The following SIPA1L1 variants were observed in gnomAD, a reference collection of about 807,000 sequenced individuals.
SIPA1L1 encodes the protein signal induced proliferation associated 1 like 1.
SIPA1L1 carries 26 observed loss-of-function variants against 162.7 expected under a neutral mutation model. That is an observed-to-expected ratio of 0.16 (90% CI 0.12 to 0.22). The LOEUF is 0.22. Ranked by LOEUF, SIPA1L1 falls within the 10% of genes least tolerant of loss-of-function variation. The pLI, the probability that SIPA1L1 is intolerant of heterozygous loss-of-function variation, is 1.00. For synonymous variants in SIPA1L1, 829 were observed against 837.4 expected (o/e 0.99, Z 0.17); for missense variants, 1,874 against 2,241.0 (o/e 0.84, Z 3.31).
intron 12 of SIPA1L1, among the ~76,000 whole-genome samples, chr14:71,680,300 A>G (rs556034499): frequency 1.3e-5 from 2 of 152,350 alleles, no homozygotes; most frequent in South Asian, 4.1e-4. Context: ...CTACATGGAA[A>G]CTGAACATCC....
chr14:71,633,150 ATGTTATGTTC>A lies in SIPA1L1; in HGVS notation c.1818+8919_1818+8928del, dbSNP rs1412998162. Among the ~76,000 whole-genome samples, 659 of 145,218 alleles carry A rather than the reference ATGTTATGTTC, an allele frequency of 4.5e-3. 6 individuals carry two copies. Among genetic ancestry groups the A allele is most frequent in the African/African-American group, 0.015 (562 of 36,916 alleles). Reference sequence around the variant, plus strand: ...ATGTTATGTTATGTTATGTTATGTTATGTTATGTTCTGTTCTGTTCTGTTCTTTGGAGATG... The same window carrying A: ...ATGTTATGTTATGTTATGTTATGTTATGTTCTGTTCTGTTCTTTGGAGATG... On this transcript the variant is annotated intron_variant, in intron 7 of 23. Transcript: ENST00000381232.
At chr14:71,526,500 G>C (rs1446211481) in intron 3 of SIPA1L1, among the ~76,000 whole-genome samples, 2 of 152,188 alleles carry the variant, frequency 1.3e-5, no homozygotes, top group Admixed American at 6.5e-5. Context: ...AGATTTATCA[G>C]TGTTCTTGTA....
chr14:71,366,238 G>C (rs934908540), intron 2 of SIPA1L1, among the ~76,000 whole-genome samples: 3 of 152,104 alleles, frequency 2.0e-5, no homozygotes, highest in African/African-American at 7.2e-5. Flanking sequence ...TGGTGGTGTA[G>C]TCAAGACTAG....
intron 8 of SIPA1L1, 114 bp from the exon 9 acceptor site, chr14:71,658,218 TC>T (rs2043225235): frequency 3.1e-6 from 2 of 639,462 alleles, no homozygotes; most frequent in Non-Finnish European, 5.4e-6. Flanking sequence ...TTGTCTAGAA[TC>T]TTTTCATCCT....
chr14:71,674,549 G>GTTTTTTTTTTTTTTTTTTTTT (rs776605036), intron 12 of SIPA1L1, among the ~76,000 whole-genome samples: 1 of 137,396 alleles, frequency 7.3e-6, no homozygotes, highest in African/African-American at 2.8e-5. Flanking sequence ...TAGCATTCCT[G>GTTTTTTTTTTTTTTTTTTTTT]TTTTTTTTTT....
intron 2 of SIPA1L1, among the ~76,000 whole-genome samples, chr14:71,449,131 C>G (rs1681156803): frequency 6.6e-6 from 1 of 152,198 alleles, no homozygotes; most frequent in Admixed American, 6.5e-5. Context: ...GATGGCAGGA[C>G]TGGGTGACCT....
At chr14:71,522,158 C>G (rs1453657301) in intron 3 of SIPA1L1, among the ~76,000 whole-genome samples, 1 of 152,186 alleles carries the variant, frequency 6.6e-6, no homozygotes, top group East Asian at 1.9e-4. Context: ...ATAGTTCTCT[C>G]TGTCTTGTGG....
At chr14:71,460,513 A>G (rs2046516271) in intron 2 of SIPA1L1, among the ~76,000 whole-genome samples, 1 of 152,154 alleles carries the variant, frequency 6.6e-6, no homozygotes, top group South Asian at 2.1e-4. Flanking sequence ...ACCCCTGCCA[A>G]CACTGTAACT....
intron 4 of SIPA1L1, among the ~76,000 whole-genome samples, chr14:71,539,909 A>G (rs2054231209): frequency 6.6e-6 from 1 of 152,202 alleles, no homozygotes. Context: ...ATTGTCAGCA[A>G]CACCCTAAGG....
At chr14:71,484,233 TC>T (rs2048572382) in intron 2 of SIPA1L1, among the ~76,000 whole-genome samples, 1 of 151,852 alleles carries the variant, frequency 6.6e-6, no homozygotes, top group Non-Finnish European at 1.5e-5. Context: ...ACTCTGCCTC[TC>T]ATTTTATTTG....
chr14:71,412,889 T>A (rs2042505668), intron 2 of SIPA1L1, among the ~76,000 whole-genome samples: 2 of 152,224 alleles, frequency 1.3e-5, no homozygotes, highest in African/African-American at 2.4e-5. Context: ...TGTGTGTGGG[T>A]ATTCTTTTAA....
At chr14:71,614,854 CCTT>C (rs2038648424) in intron 5 of SIPA1L1, among the ~76,000 whole-genome samples, 1 of 151,920 alleles carries the variant, frequency 6.6e-6, no homozygotes. Flanking sequence ...AACAAAGTAA[CCTT>C]ATTAACACAA....
chr14:71,326,871 C>T (rs1353065620), intron 2 of SIPA1L1, among the ~76,000 whole-genome samples: 2 of 150,618 alleles, frequency 1.3e-5, no homozygotes, highest in African/African-American at 4.9e-5. Context: ...GCCACCACAC[C>T]CAGCTAATTT....
At chr14:71,468,178 C>T (rs1295133146) in intron 2 of SIPA1L1, among the ~76,000 whole-genome samples, 2 of 151,868 alleles carry the variant, frequency 1.3e-5, no homozygotes, top group Non-Finnish European at 2.9e-5. Flanking sequence ...TGTTCTAGAC[C>T]CTCTAAGGCA....
chr14:71,370,357 G>C (rs865785959), intron 2 of SIPA1L1, among the ~76,000 whole-genome samples: 3 of 152,052 alleles, frequency 2.0e-5, no homozygotes, highest in Non-Finnish European at 2.9e-5. Context: ...GATTTATTGA[G>C]AGTTTTTAGC....
chr14:71,612,931 C>T (rs2038394348), intron 5 of SIPA1L1, among the ~76,000 whole-genome samples: 1 of 152,104 alleles, frequency 6.6e-6, no homozygotes, highest in Non-Finnish European at 1.5e-5. Context: ...TTTATTGTTA[C>T]TCTTTGTACC....
At chr14:71,592,010 G>T (rs772134959) in intron 5 of SIPA1L1, among the ~76,000 whole-genome samples, 9 of 152,106 alleles carry the variant, frequency 5.9e-5, no homozygotes, top group African/African-American at 1.4e-4. Flanking sequence ...AAGTCAATTG[G>T]TATAAACAGC....
intron 12 of SIPA1L1, among the ~76,000 whole-genome samples, chr14:71,679,846 A>G (rs1226814878): frequency 3.3e-5 from 5 of 152,238 alleles, no homozygotes; most frequent in Admixed American, 6.5e-5. Context: ...AGGCCATTAC[A>G]TAATGGTAAA....
intron 2 of SIPA1L1, chr14:71,321,863 T>G (rs551474581): frequency 6.6e-6 from 1 of 152,294 alleles, no homozygotes; most frequent in East Asian, 1.9e-4. Flanking sequence ...AGGTTGAAAT[T>G]TCATCGCGGT....
Sources: gnomAD v4.1 joint callset for allele counts (sites outside exome capture counted in the v4.1 genomes callset) on GRCh38, gnomAD v4.1.1 for gene constraint, MANE v1.5 for transcripts, NCBI Gene and HGNC (gene_info 2026-07-23, HGNC 2026-07-21) for gene names.